The following CNOT1 variants were observed in gnomAD, a reference collection of about 807,000 sequenced individuals.
CNOT1 encodes CCR4-NOT transcription complex subunit 1, also known as CCR4-associated factor 1.
In CNOT1, 15 loss-of-function variants were observed where a neutral mutation model predicts 273.8. That is an observed-to-expected ratio of 0.05 (90% confidence interval 0.04 to 0.08). The LOEUF is 0.08. Among genes scored for constraint, CNOT1 ranks in the 10% least tolerant of loss-of-function variants. The pLI is 1.00. For missense variants in CNOT1, 1,644 were observed against 2,912.2 expected, an observed-to-expected ratio of 0.56 and a Z score of 10.02; for synonymous variants, 1,022 against 1,005.5, an observed-to-expected ratio of 1.02 and a Z score of -0.31.
chr16:58,595,972 T>C (rs1320641904), intron 2 of CNOT1, among the ~76,000 whole-genome samples: 1 of 152,246 alleles, frequency 6.6e-6, no homozygotes, highest in African/African-American at 2.4e-5. Context: ...CAGAAAGGTA[T>C]CAAAGGCAGT....
chr16:58,577,902 C>T (rs1212338064), intron 13 of CNOT1, among the ~76,000 whole-genome samples: 2 of 150,630 alleles, frequency 1.3e-5, no homozygotes, highest in Non-Finnish European at 3.0e-5. Flanking sequence ...AGAATACTTA[C>T]TTGCCAAATA....
chr16:58,555,047 CA>C (rs765283755), intron 21 of CNOT1, among the ~76,000 whole-genome samples: 5 of 151,450 alleles, frequency 3.3e-5, no homozygotes, highest in Admixed American at 6.6e-5. Flanking sequence ...CCTGTCTGTA[CA>C]AAAATTACAA....
At chr16:58,522,310 G>A (rs1375802946) in intron 47 of CNOT1, among the ~76,000 whole-genome samples, 5 of 145,228 alleles carry the variant, frequency 3.4e-5, no homozygotes, top group Admixed American at 2.1e-4. Context: ...AAATTTTTCC[G>A]AATGCCAGTA....
intron 2 of CNOT1, among the ~76,000 whole-genome samples, chr16:58,590,000 T>C (rs1388843909): frequency 6.6e-6 from 1 of 152,236 alleles, no homozygotes; most frequent in Non-Finnish European, 1.5e-5. Flanking sequence ...GCTTTACTTT[T>C]TCTCCATAGC....
intron 2 of CNOT1, among the ~76,000 whole-genome samples, chr16:58,590,797 T>C (rs2042026668): frequency 6.6e-6 from 1 of 152,236 alleles, no homozygotes; most frequent in African/African-American, 2.4e-5. Context: ...AGAACAGAAT[T>C]AACTATGATC....
chr16:58,607,243 G>C (rs141287309), intron 1 of CNOT1, among the ~76,000 whole-genome samples: 146 of 152,300 alleles, frequency 9.6e-4, no homozygotes, highest in African/African-American at 3.4e-3. Flanking sequence ...ATTTACCGCA[G>C]CAGTATATGT....
At chr16:58,541,872 C>T (rs1251377694) in intron 33 of CNOT1, among the ~76,000 whole-genome samples, 2 of 152,160 alleles carry the variant, frequency 1.3e-5, no homozygotes, top group Non-Finnish European at 2.9e-5. Flanking sequence ...TCACATGGGA[C>T]GATGCCAGTG....
At position 58,545,447 on chromosome 16, in the gene CNOT1, C is replaced by A. The variant is rs904746972; in HGVS notation, c.4051G>T (p.Val1351Phe). 1 of 1,613,908 alleles carries A rather than the reference C, an allele frequency of 6.2e-7. No homozygotes were observed. Among genetic ancestry groups the A allele is most frequent in the Non-Finnish European group, 8.5e-7 (1 of 1,179,952 alleles). The change falls in exon 30 of 49, where the codon GTT becomes TTT. Residue 1351 changes from valine (V) to phenylalanine (F), a missense_variant. Transcript: ENST00000317147. The part of the protein sequence containing the change: ...PATNTTCTAT[V>F]PPQPQYSYHD... ...TAGCTGTACTGTGGCTGTGGTGGAA[C>A]CGTGGCTGTACAAGTGGTGTTGGTA...
At chr16:58,526,283 GTCTT>G (rs140851750) in intron 44 of CNOT1, 145 bp from the exon 45 acceptor site, 49 of 747,238 alleles carry the variant, frequency 6.6e-5, no homozygotes, top group Non-Finnish European at 5.9e-5. Context: ...TTATTAATCA[GTCTT>G]TCTTTCTTTA....
In CNOT1 at chr16:58,588,850, C is replaced by A; in HGVS notation, c.159G>T (p.Ser53=). 1 of 1,613,500 alleles carries A rather than the reference C, an allele frequency of 6.2e-7. No homozygotes were observed. The highest frequency in any genetic ancestry group is 1.1e-5 in the South Asian group (1 of 91,046). ...ADRHLLRCLF[S]HVDFSGDGKS... Reference sequence around the variant, plus strand: ...TACCATCGCCACTGAAATCCACATGCGAAAATAGGCAGCGTAATAAATGCC... The same window carrying A: ...TACCATCGCCACTGAAATCCACATGAGAAAATAGGCAGCGTAATAAATGCC... The change falls in exon 3 of 49, where the codon TCG becomes TCT. Residue 53 remains serine, a synonymous_variant. Transcript: ENST00000317147.
At position 58,520,366 on chromosome 16, in the gene CNOT1, T is replaced by C. The variant is rs2039328156; in HGVS notation, c.*592A>G. 6.5e-6 allele frequency: 1 copy of C among 153,392 alleles called. No homozygotes were observed. The highest frequency in any genetic ancestry group is 2.1e-4 in the South Asian group (1 of 4,876). 9.5% of individuals were successfully genotyped at this position (153,392 alleles called of 1,614,324 possible). On this transcript the variant is annotated 3_prime_UTR_variant, in exon 49 of 49. Transcript: ENST00000317147. ...TAAGATGGTACAAATGCAGTCAGCTTTGGAATACGTTTGGGTAGAGACAAA... is the reference window on the plus strand; with the variant it reads ...TAAGATGGTACAAATGCAGTCAGCTCTGGAATACGTTTGGGTAGAGACAAA...
intron 21 of CNOT1, among the ~76,000 whole-genome samples, 172 bp from the exon 22 acceptor site, chr16:58,554,032 T>C (rs552865742): frequency 6.6e-5 from 10 of 152,326 alleles, no homozygotes; most frequent in East Asian, 1.9e-4. Context: ...AAAATACTTA[T>C]GATTTTCACA....
At chr16:58,584,296 G>A (rs1052071248) in intron 8 of CNOT1, among the ~76,000 whole-genome samples, 2 of 151,820 alleles carry the variant, frequency 1.3e-5, no homozygotes, top group Admixed American at 6.6e-5. Flanking sequence ...ATTCTGATAT[G>A]TACACAGCCT....
chr16:58,558,612 C>T lies in CNOT1; in HGVS notation c.2193G>A (p.Gln731=), dbSNP rs772646818. The T allele has an allele frequency of 3.1e-6, 5 of 1,613,310 alleles. No individual in the cohort carries two copies. Among genetic ancestry groups the T allele is most frequent in the Non-Finnish European group, 4.2e-6 (5 of 1,179,674 alleles). The change falls in exon 18 of 49, where the codon CAG becomes CAA. Residue 731 remains glutamine, a synonymous_variant. Transcript: ENST00000317147. The part of the protein sequence containing the change: ...SIGGSAAPHT[Q]SMQGFPPNLG... ...AATTTGGAGGAAAACCCTGCATACT[C>T]TGGGTGTGAGGGGCAGCTGAACCAC...
At chr16:58,627,291 AGCTACTCGAGGG>A (rs1199946837) in intron 1 of CNOT1, among the ~76,000 whole-genome samples, 3 of 150,438 alleles carry the variant, frequency 2.0e-5, no homozygotes, top group African/African-American at 7.3e-5. Context: ...CTGTAGTCCC[AGCTACTCGAGGG>A]GCTGAGGCAG....
intron 1 of CNOT1, among the ~76,000 whole-genome samples, chr16:58,625,603 G>A (rs2043537705): frequency 6.6e-6 from 1 of 151,932 alleles, no homozygotes; most frequent in South Asian, 2.1e-4. Flanking sequence ...AGAATCACTT[G>A]AACCCGGGAG....
At chr16:58,567,345 G>A (rs563138567) in intron 16 of CNOT1, among the ~76,000 whole-genome samples, 4 of 151,940 alleles carry the variant, frequency 2.6e-5, no homozygotes, top group Admixed American at 6.6e-5. Flanking sequence ...AATGCTGGCC[G>A]GGCGTGGTGG....
intron 2 of CNOT1, among the ~76,000 whole-genome samples, chr16:58,591,128 A>T (rs568149152): frequency 2.9e-4 from 44 of 152,350 alleles, no homozygotes; most frequent in African/African-American, 1.1e-3. Flanking sequence ...GGAGAAGGAA[A>T]AACCTAGAGT....
chr16:58,596,073 A>C (rs62067306), intron 2 of CNOT1, among the ~76,000 whole-genome samples: 6,632 of 152,334 alleles, frequency 0.044, 423 homozygotes, highest in East Asian at 0.26. Flanking sequence ...GTGAAATTGA[A>C]ATCAGTTTCC....
Sources: allele counts gnomAD v4.1 joint callset (sites outside exome capture counted in the v4.1 genomes callset), GRCh38; gene constraint gnomAD v4.1.1; transcripts MANE v1.5; gene names NCBI Gene and HGNC (gene_info 2026-07-23, HGNC 2026-07-21).